KIAA0408: variants seen among roughly 807,000 people sequenced by gnomAD.
The protein encoded by KIAA0408 is uncharacterized protein KIAA0408.
A neutral mutation model predicts 60.9 loss-of-function variants in KIAA0408; 51 were observed. That is an observed-to-expected ratio of 0.84 (90% CI 0.67 to 1.06). KIAA0408 has a LOEUF of 1.06. Among genes scored for constraint, KIAA0408 ranks in the 50% least tolerant of loss-of-function variants. The pLI, the probability that KIAA0408 is intolerant of heterozygous loss-of-function variation, is 0.00. For missense variants in KIAA0408, 787 were observed against 833.9 expected, an observed-to-expected ratio of 0.94 and a Z score of 0.69; for synonymous variants, 304 against 282.4, an observed-to-expected ratio of 1.08 and a Z score of -0.77.
At position 127,447,671 on chromosome 6, in the gene KIAA0408, G is replaced by C; in HGVS notation, c.648C>G (p.Ile216Met). 6.3e-7 allele frequency: 1 copy of C among 1,597,808 alleles called. No homozygotes were observed. The highest frequency in any genetic ancestry group is 8.5e-7 in the Non-Finnish European group (1 of 1,175,184). Reference sequence around the variant, plus strand: ...TTGGAAGAATGCACTGGTCATTGTTGATCATGGGGTCCCCATGAGGTATAT... The same window carrying C: ...TTGGAAGAATGCACTGGTCATTGTTCATCATGGGGTCCCCATGAGGTATAT... ...VTNIPHGDPM[I>M]NNDQCILPIS... Residue 216 changes from isoleucine (I) to methionine (M), a missense_variant, in exon 5 of 6, where the codon ATC (isoleucine) becomes ATG (methionine). Coordinates refer to ENST00000483725, the MANE Select transcript of KIAA0408 (RefSeq NM_014702.5).
intron 1 of KIAA0408, among the ~76,000 whole-genome samples, chr6:127,454,817 A>G (rs1773363637): frequency 6.6e-6 from 1 of 152,142 alleles, no homozygotes; most frequent in African/African-American, 2.4e-5. Context: ...TATTGAATAC[A>G]GGGAACTGAA....
Position 127,459,205 on chromosome 6 carries a change from C to G in KIAA0408, c.-151G>C, listed in dbSNP as rs566036060. The G allele has an allele frequency of 2.6e-5, 4 of 152,296 alleles. No individual in the cohort carries two copies. The East Asian group carries it at 7.7e-4, about 29-fold the overall frequency. 9.4% of individuals were successfully genotyped at this position (152,296 alleles called of 1,614,324 possible). A position where few individuals can be genotyped will look rare whatever the true frequency, so the allele number is the denominator to read the frequency against. ...ACACTGGGGAGAAATCCTATGGATG[C>G]TCGACCACTGGTCAATTAGCAGTGG... On this transcript the variant is annotated 5_prime_UTR_variant, in exon 1 of 6. Transcript: ENST00000483725.
intron 4 of KIAA0408, among the ~76,000 whole-genome samples, chr6:127,448,213 A>G: frequency 6.6e-6 from 1 of 152,210 alleles, no homozygotes; most frequent in East Asian, 1.9e-4. Context: ...TAAAAGTGCA[A>G]TGAGATATGA....
In KIAA0408 at chr6:127,444,092, C is replaced by A. The variant is rs562685507; in HGVS notation, c.*17G>T. 1.2e-6 allele frequency: 2 copies of A among 1,612,668 alleles called. No individual in the cohort carries two copies. Among genetic ancestry groups the A allele is most frequent in the East Asian group, 4.5e-5 (2 of 44,800 alleles). On this transcript the variant is annotated 3_prime_UTR_variant, in exon 6 of 6. Transcript: ENST00000483725. Reference sequence around the variant, plus strand: ...TGGGACTAGAACTTCTGTAATATAGCAATCCAGGCCAAAGACTTAAACCAT... The same window carrying A: ...TGGGACTAGAACTTCTGTAATATAGAAATCCAGGCCAAAGACTTAAACCAT...
rs765104398 is a variant in KIAA0408, at chr6:127,444,131, C to T, written c.2063G>A (p.Arg688Gln). 2.5e-6 allele frequency: 4 copies of T among 1,613,850 alleles called. No homozygotes were observed. Among genetic ancestry groups the T allele is most frequent in the South Asian group, 2.2e-5 (2 of 91,064 alleles). Residue 688 changes from arginine to glutamine, a missense_variant, in exon 6 of 6, where the codon CGA becomes CAA. Arg to Gln is a conservative substitution (Grantham distance 43). Transcript: ENST00000483725. ...RTTHNYTISL[R>Q]SEALMV ...GACTTAAACCATCAATGCTTCGGAT[C>T]GCAGAGAAATGGTATAGTTGTGGGT...
chr6:127,457,957 G>C lies in KIAA0408; in HGVS notation c.-121+1218C>G, dbSNP rs2326594. The stretch of plus-strand genomic sequence containing the variant: ...TTCTCTCTTTTTAGATTATTGTTTA[G>C]AGTACTTGTTTCTTGCTGTCCTTAT... On this transcript the variant is annotated intron_variant, in intron 1 of 5. Coordinates refer to ENST00000483725, the MANE Select transcript of KIAA0408 (RefSeq NM_014702.5). Among the ~76,000 whole-genome samples, 2 of 152,298 alleles carry C rather than the reference G, an allele frequency of 1.3e-5. 1 individual carries two copies. Among genetic ancestry groups the C allele is most frequent in the Admixed American group, 1.3e-4 (2 of 15,294 alleles).
chr6:127,447,535 TTCTTTTTAAATCGA>T lies in KIAA0408; in HGVS notation c.770_783del (p.Ile257LysfsTer2), dbSNP rs750649794. 8 of 1,611,236 alleles carry T rather than the reference TTCTTTTTAAATCGA, an allele frequency of 5.0e-6. No individual in the cohort carries two copies. The highest frequency in any genetic ancestry group is 6.8e-6 in the Non-Finnish European group (8 of 1,179,302). ...GGAGGAGGAACTGGTGGAGTTTCAT[TTCTTTTTAAATCGA>T]TTGTATCAATTCCACATTTTTTCGT... On this transcript the variant is annotated frameshift_variant, in exon 5 of 6. Coordinates refer to ENST00000483725, the MANE Select transcript of KIAA0408 (RefSeq NM_014702.5). LOFTEE classifies it high-confidence loss of function.
At position 127,441,805 on chromosome 6, in the gene KIAA0408, G is replaced by GT; in HGVS notation, c.*2303dup. 1 of 151,916 alleles carries GT rather than the reference G, an allele frequency of 6.6e-6. No homozygotes were observed. Among genetic ancestry groups the GT allele is most frequent in the Non-Finnish European group, 1.5e-5 (1 of 67,950 alleles). 9.4% of individuals were successfully genotyped at this position (151,916 alleles called of 1,614,324 possible). ...AAAACAGAACATTCAAATAACCTTA[G>GT]TTTTTCAGTTTTACAATCAAGGAGT... is the stretch of plus-strand genomic sequence containing the variant. On this transcript the variant is annotated 3_prime_UTR_variant, in exon 6 of 6. Coordinates refer to ENST00000483725, the MANE Select transcript of KIAA0408 (RefSeq NM_014702.5).
chr6:127,450,370 C>T lies in KIAA0408; in HGVS notation c.136-18G>A. On this transcript the variant is annotated intron_variant, in intron 2 of 5. Coordinates refer to ENST00000483725, the MANE Select transcript of KIAA0408 (RefSeq NM_014702.5). Reference sequence around the variant, plus strand: ...CGGCAAAGCTGTAAGAAAAACAAAACAAAATTAAAACTTCTTTTCCCCTAA... The same window carrying T: ...CGGCAAAGCTGTAAGAAAAACAAAATAAAATTAAAACTTCTTTTCCCCTAA... The T allele has an allele frequency of 6.4e-7, 1 of 1,560,896 alleles. No homozygotes were observed. Among genetic ancestry groups the T allele is most frequent in the Non-Finnish European group, 8.6e-7 (1 of 1,163,020 alleles).
rs757273045 is a variant in KIAA0408 at position 127,440,561 on chromosome 6, C to T, written c.*3548G>A. On this transcript the variant is annotated 3_prime_UTR_variant, in exon 6 of 6. Coordinates refer to ENST00000483725, the MANE Select transcript of KIAA0408 (RefSeq NM_014702.5). Reference sequence around the variant, plus strand: ...CAGGATGGTCTCCATCTCCTGACCTCGTGATCCCCCCACCTTGGCCTCCCA... The same window carrying T: ...CAGGATGGTCTCCATCTCCTGACCTTGTGATCCCCCCACCTTGGCCTCCCA... The T allele has an allele frequency of 6.6e-6, 1 of 152,066 alleles. No homozygotes were observed. The highest frequency in any genetic ancestry group is 1.5e-5 in the Non-Finnish European group (1 of 68,026). The allele number at this position is 152,066 out of a possible 1,614,324, so 9.4% of individuals were successfully genotyped here.
intron 5 of KIAA0408, 145 bp downstream of exon 5, chr6:127,446,263 T>C: frequency 2.1e-6 from 3 of 1,398,266 alleles, no homozygotes; most frequent in Admixed American, 4.7e-5. Context: ...TGTTGAGTTA[T>C]ATTTATTTAC....
Position 127,450,226 on chromosome 6 carries a change from C to G in KIAA0408, c.262G>C (p.Gly88Arg). 2 of 1,613,904 alleles carry G rather than the reference C, an allele frequency of 1.2e-6. No individual in the cohort carries two copies. The highest frequency in any genetic ancestry group is 2.2e-5 in the South Asian group (2 of 91,084). Reference protein sequence around the residue: ...IESSPNYPDLGQSEFIRTNHK... With the variant: ...IESSPNYPDLRQSEFIRTNHK... ...TTCGTCCTTATAAATTCACTTTGTCCTAAATCGGGGTAATTTGGGGAAGAT... is the reference window on the plus strand; with the variant it reads ...TTCGTCCTTATAAATTCACTTTGTCGTAAATCGGGGTAATTTGGGGAAGAT... The change falls in exon 3 of 6, where the codon GGA becomes CGA. Residue 88 changes from glycine to arginine, a missense_variant. Around this residue, in one of 3 missense-constraint regions of KIAA0408, gnomAD observed 640 missense variants for 681.3 expected, o/e 0.94. Coordinates refer to ENST00000483725, the MANE Select transcript of KIAA0408 (RefSeq NM_014702.5).
At chr6:127,456,201 A>C (rs925671399) in intron 1 of KIAA0408, among the ~76,000 whole-genome samples, 1 of 152,212 alleles carries the variant, frequency 6.6e-6, no homozygotes, top group Non-Finnish European at 1.5e-5. Flanking sequence ...AAGGATGCAG[A>C]CTAATTTCAA....
chr6:127,456,791 G>A (rs1000849952), intron 1 of KIAA0408, among the ~76,000 whole-genome samples: 1 of 151,886 alleles, frequency 6.6e-6, no homozygotes, highest in South Asian at 2.1e-4. Flanking sequence ...TGGTGGGGGG[G>A]GGGCATAGAA....
At position 127,444,104 on chromosome 6, in the gene KIAA0408, A is replaced by C; in HGVS notation, c.*5T>G. On this transcript the variant is annotated 3_prime_UTR_variant, in exon 6 of 6. Transcript: ENST00000483725. ...TTCTGTAATATAGCAATCCAGGCCA[A>C]AGACTTAAACCATCAATGCTTCGGA... 6.2e-7 allele frequency: 1 copy of C among 1,613,770 alleles called. No homozygotes were observed. Among genetic ancestry groups the C allele is most frequent in the Non-Finnish European group, 8.5e-7 (1 of 1,179,844 alleles).
Position 127,447,399 on chromosome 6 carries a change from C to T in KIAA0408, c.920G>A (p.Arg307Lys), listed in dbSNP as rs1308777678. Residue 307 changes from arginine to lysine, a missense_variant, in exon 5 of 6, where the codon AGG becomes AAG. Around this residue, in one of 3 missense-constraint regions of KIAA0408, gnomAD observed 640 missense variants for 681.3 expected, o/e 0.94. Coordinates refer to ENST00000483725, the MANE Select transcript of KIAA0408 (RefSeq NM_014702.5). The part of the protein sequence containing the change: ...SWVPHEGRSK[R>K]NYNPHFPLRQ... ...CAAAGGGAAGTGAGGGTTGTAATTC[C>T]TTTTACTTCGACCCTCATGGGGCAC... The T allele has an allele frequency of 1.9e-6, 3 of 1,613,088 alleles. No homozygotes were observed. Among genetic ancestry groups the T allele is most frequent in the Non-Finnish European group, 2.5e-6 (3 of 1,179,730 alleles).
rs1766790320 is a variant in KIAA0408, at chr6:127,438,438, A to G, written c.*5671T>C. ...ATTAAATTTGTTTAATGATTCTTAT[A>G]AAATTGCCATGAGTAAGTAATTGAA... On this transcript the variant is annotated 3_prime_UTR_variant, in exon 6 of 6. Transcript: ENST00000483725. 6.6e-6 allele frequency: 1 copy of G among 152,222 alleles called. No individual in the cohort carries two copies. The highest frequency in any genetic ancestry group is 2.1e-4 in the South Asian group (1 of 4,834). The allele number at this position is 152,222 out of a possible 1,614,324, so 9.4% of individuals were successfully genotyped here. A position where few individuals can be genotyped will look rare whatever the true frequency, so the allele number is the denominator to read the frequency against.
intron 1 of KIAA0408, among the ~76,000 whole-genome samples, chr6:127,454,779 T>A (rs1773362777): frequency 6.6e-6 from 1 of 152,160 alleles, no homozygotes; most frequent in South Asian, 2.1e-4. Context: ...TTCCTTTGAA[T>A]AGGCTATATA....
chr6:127,439,377 A>G lies in KIAA0408; in HGVS notation c.*4732T>C, dbSNP rs1006357193. 1 of 152,224 alleles carries G rather than the reference A, an allele frequency of 6.6e-6. No individual in the cohort carries two copies. The highest frequency in any genetic ancestry group is 1.5e-5 in the Non-Finnish European group (1 of 68,036). 9.4% of individuals were successfully genotyped at this position (152,224 alleles called of 1,614,324 possible). ...GGCTATTTATTGGTTTTACTTCAAC[A>G]TCATGTCCTACATACAAAATTTATA... On this transcript the variant is annotated 3_prime_UTR_variant, in exon 6 of 6. Coordinates refer to ENST00000483725, the MANE Select transcript of KIAA0408 (RefSeq NM_014702.5).
Sources: allele counts gnomAD v4.1 joint callset (sites outside exome capture counted in the v4.1 genomes callset), GRCh38; gene constraint gnomAD v4.1.1; regional missense constraint gnomAD v4.1.1; transcripts MANE v1.5; gene names NCBI Gene and HGNC (gene_info 2026-07-23, HGNC 2026-07-21).